Variants in SERBP1 observed in about 807,000 individuals in gnomAD.
The protein encoded by SERBP1 is SERPINE1 mRNA binding protein 1, also known as SERPINE1 mRNA-binding protein 1.
In SERBP1, 6 loss-of-function variants were observed where a neutral mutation model predicts 50.2. The ratio of observed to expected loss-of-function variants is 0.12; its 90% CI spans 0.07 to 0.24. SERBP1 has a LOEUF of 0.24. SERBP1 is among the 10% of genes least tolerant of loss of function. SERBP1 has a pLI of 1.00. For missense variants in SERBP1, 346 were observed against 524.9 expected (o/e 0.66, Z 3.33); for synonymous variants, 168 against 182.8 (o/e 0.92, Z 0.65).
intron 1 of SERBP1, among the ~76,000 whole-genome samples, chr1:67,427,284 C>T (rs568005311): frequency 6.6e-6 from 1 of 152,234 alleles, no homozygotes; most frequent in South Asian, 2.1e-4. Flanking sequence ...TCTGAAACCC[C>T]ACAAAGGCAA....
chr1:67,427,070 A>G (rs951720755), intron 1 of SERBP1, among the ~76,000 whole-genome samples: 1 of 152,204 alleles, frequency 6.6e-6, no homozygotes, highest in Non-Finnish European at 1.5e-5. Flanking sequence ...CAAGTTAGGA[A>G]ACAGTTACTT....
intron 4 of SERBP1, 62 bp downstream of exon 4, chr1:67,424,826 G>T: frequency 8.1e-7 from 1 of 1,229,232 alleles, no homozygotes; most frequent in Non-Finnish European, 1.2e-6. Flanking sequence ...AGTAAAATTT[G>T]ACAGAGGTAT....
At chr1:67,424,149 C>A in intron 5 of SERBP1, 51 bp downstream of exon 5, 1 of 1,548,698 alleles carries the variant, frequency 6.5e-7, no homozygotes. Flanking sequence ...ATTGGTAAAA[C>A]TCCAGTGCTT....
intron 6 of SERBP1, 115 bp downstream of exon 6, chr1:67,419,894 A>T (rs917309195): frequency 2.4e-6 from 2 of 834,636 alleles, no homozygotes. Flanking sequence ...GCCCCAAATG[A>T]TCCTATGTAA....
In SERBP1 at chr1:67,412,281, G is replaced by T. The variant is rs1297043711; in HGVS notation, c.*926C>A. 1 of 152,606 alleles carries T rather than the reference G, an allele frequency of 6.6e-6. No individual in the cohort carries two copies. Among genetic ancestry groups the T allele is most frequent in the Non-Finnish European group, 1.5e-5 (1 of 68,042 alleles). The allele number at this position is 152,606 out of a possible 1,614,324, so 9.5% of individuals were successfully genotyped here. Reference sequence around the variant, plus strand: ...CAAATGGCCAGACACTTATTTTACAGAACAGTTTAAATATTACACATTGGC... The same window carrying T: ...CAAATGGCCAGACACTTATTTTACATAACAGTTTAAATATTACACATTGGC... On this transcript the variant is annotated 3_prime_UTR_variant, in exon 8 of 8. Coordinates refer to ENST00000361219, the MANE Select transcript of SERBP1 (RefSeq NM_001018069.2).
chr1:67,421,330 C>A (rs1394817406), intron 5 of SERBP1, among the ~76,000 whole-genome samples: 2 of 152,118 alleles, frequency 1.3e-5, no homozygotes, highest in African/African-American at 4.8e-5. Context: ...AGGCATGACA[C>A]CTACCTTTCA....
At chr1:67,418,316 TAA>T (rs1201706153) in intron 6 of SERBP1, among the ~76,000 whole-genome samples, 2 of 151,962 alleles carry the variant, frequency 1.3e-5, no homozygotes, top group Non-Finnish European at 2.9e-5. Flanking sequence ...CTACAGGACT[TAA>T]AAAAGACAAT....
chr1:67,408,124 CT>C lies in SERBP1; in HGVS notation c.*5082del, dbSNP rs1455964570. The C allele has an allele frequency of 2.6e-5, 4 of 152,196 alleles. No homozygotes were observed. The highest frequency in any genetic ancestry group is 4.4e-5 in the Non-Finnish European group (3 of 68,032). The allele number at this position is 152,196 out of a possible 1,614,324, so 9.4% of individuals were successfully genotyped here. A position where few individuals can be genotyped will look rare whatever the true frequency, so the allele number is the denominator to read the frequency against. On this transcript the variant is annotated 3_prime_UTR_variant, in exon 8 of 8. Transcript: ENST00000361219. ...AAAAATCCTTAATATTAGCCCTTCA[CT>C]TTCCATGCTTCCACCCAGTAACACC...
In SERBP1 at chr1:67,408,324, G is replaced by C. The variant is rs950985218; in HGVS notation, c.*4883C>G. 1 of 152,162 alleles carries C rather than the reference G, an allele frequency of 6.6e-6. No individual in the cohort carries two copies. Among genetic ancestry groups the C allele is most frequent in the Non-Finnish European group, 1.5e-5 (1 of 68,030 alleles). The allele number at this position is 152,162 out of a possible 1,614,324, so 9.4% of individuals were successfully genotyped here. A position where few individuals can be genotyped will look rare whatever the true frequency, so the allele number is the denominator to read the frequency against. ...CTTGCATATACAAGTCTCAAGAAGA[G>C]TAATGTCATACAAGAGCACTAGGAA... On this transcript the variant is annotated 3_prime_UTR_variant, in exon 8 of 8. Coordinates refer to ENST00000361219, the MANE Select transcript of SERBP1 (RefSeq NM_001018069.2).
intron 4 of SERBP1, 190 bp from the exon 5 acceptor site, chr1:67,424,467 A>G (rs1237698382): frequency 7.8e-6 from 5 of 644,672 alleles, no homozygotes; most frequent in African/African-American, 7.4e-5. Context: ...AAAGTAAACA[A>G]TATAAACTAG....
rs749190586 is a variant in SERBP1, at chr1:67,426,134, C to A, written c.464+1G>T. 4.4e-6 allele frequency: 7 copies of A among 1,603,034 alleles called. No homozygotes were observed. The highest frequency in any genetic ancestry group is 6.0e-6 in the Non-Finnish European group (7 of 1,176,178). ...TGGCTCAAAAACAAGAAACAACTTA[C>A]CTATCAACTGAAAATTCGCCTCCTT... On this transcript the variant is annotated splice_donor_variant, in intron 2 of 7. Transcript: ENST00000361219. LOFTEE classifies it high-confidence loss of function.
intron 5 of SERBP1, among the ~76,000 whole-genome samples, chr1:67,421,493 A>G (rs1053690701): frequency 6.6e-6 from 1 of 152,242 alleles, no homozygotes; most frequent in Non-Finnish European, 1.5e-5. Context: ...AAGATTACAG[A>G]CAGTTCTAAT....
chr1:67,413,761 T>C (rs1430196556), intron 7 of SERBP1, among the ~76,000 whole-genome samples: 1 of 152,176 alleles, frequency 6.6e-6, no homozygotes, highest in Admixed American at 6.5e-5. Flanking sequence ...GTCCTAAATT[T>C]CTACCAAGGC....
chr1:67,425,971 G>A (rs1480817248), intron 2 of SERBP1, among the ~76,000 whole-genome samples, 164 bp downstream of exon 2: 2 of 152,160 alleles, frequency 1.3e-5, no homozygotes, highest in African/African-American at 4.8e-5. Flanking sequence ...AAAATTAGCA[G>A]TGTGGTGGCG....
At chr1:67,418,929 G>A (rs1194336852) in intron 6 of SERBP1, among the ~76,000 whole-genome samples, 1 of 152,188 alleles carries the variant, frequency 6.6e-6, no homozygotes, top group Non-Finnish European at 1.5e-5. Context: ...GAAGCTGATA[G>A]AGAAAATGAA....
At chr1:67,423,213 C>T (rs552648476) in intron 5 of SERBP1, among the ~76,000 whole-genome samples, 6 of 151,864 alleles carry the variant, frequency 4.0e-5, no homozygotes, top group African/African-American at 7.2e-5. Context: ...GCAGGAGAAT[C>T]GCGTGAACCC....
rs773196113 is a variant in SERBP1 at position 67,430,330 on chromosome 1, G to A, written c.-30C>T. ...GTGGCTCGGCGGCGCGTTCCTCCAC[G>A]GATTGCAGCGGGCCGCGCCGAGCCA... On this transcript the variant is annotated 5_prime_UTR_variant, in exon 1 of 8. Transcript: ENST00000361219. 3.7e-5 allele frequency: 56 copies of A among 1,493,754 alleles called. No homozygotes were observed. The highest frequency in any genetic ancestry group is 4.8e-5 in the Non-Finnish European group (54 of 1,122,934). 92.5% of individuals were successfully genotyped at this position (1,493,754 alleles called of 1,614,324 possible).
chr1:67,424,850 G>A (rs773212665), intron 4 of SERBP1, 38 bp downstream of exon 4: 2 of 1,500,576 alleles, frequency 1.3e-6, no homozygotes, highest in Non-Finnish European at 1.9e-6. Flanking sequence ...TTAACCTCTA[G>A]TTAGGTATAG....
At position 67,426,019 on chromosome 1, in the gene SERBP1, A is replaced by G; in HGVS notation, c.464+116T>C. On this transcript the variant is annotated intron_variant, in intron 2 of 7. Coordinates refer to ENST00000361219, the MANE Select transcript of SERBP1 (RefSeq NM_001018069.2). The stretch of plus-strand genomic sequence containing the variant: ...CCGAGCTACTCAAGAGGAGACTGAG[A>G]TGAGAGGATCATTTGAGCCCAGGAA... The G allele has an allele frequency of 3.5e-6, 3 of 846,588 alleles. No homozygotes were observed. The South Asian group carries it at 5.7e-5, about 16-fold the overall frequency. 52.4% of individuals were successfully genotyped at this position (846,588 alleles called of 1,614,324 possible).
Sources: gnomAD v4.1 joint callset for allele counts (sites outside exome capture counted in the v4.1 genomes callset) on GRCh38, gnomAD v4.1.1 for gene constraint, MANE v1.5 for transcripts, NCBI Gene and HGNC (gene_info 2026-07-23, HGNC 2026-07-21) for gene names.